THADA: variants seen among roughly 807,000 people sequenced by gnomAD.
THADA encodes the protein THADA armadillo repeat containing.
In THADA, 213 loss-of-function variants were observed where a neutral mutation model predicts 219.8. That is an observed-to-expected ratio of 0.97 (90% CI 0.87 to 1.09). The LOEUF (loss-of-function observed/expected upper bound fraction) is 1.09. Ranked by LOEUF, THADA falls within the 50% of genes least tolerant of loss-of-function variation. THADA has a pLI of 0.00. For missense variants in THADA, 2,956 were observed against 2,311.3 expected (o/e 1.28, Z -5.72); for synonymous variants, 1,018 against 828.9 (o/e 1.23, Z -3.92).
chr2:43,543,318 A>G (rs1378691012), intron 20 of THADA, among the ~76,000 whole-genome samples: 4 of 145,192 alleles, frequency 2.8e-5, no homozygotes, highest in African/African-American at 1.0e-4. Context: ...TATTGTGAAT[A>G]GTGCCGCAAT....
intron 22 of THADA, among the ~76,000 whole-genome samples, chr2:43,514,615 A>G (rs1415236952): frequency 1.9e-5 from 2 of 104,604 alleles, no homozygotes; most frequent in Non-Finnish European, 3.5e-5. Context: ...TATATTTTAT[A>G]TATTTTATAT....
At chr2:43,257,351 C>T (rs1670441723) in intron 36 of THADA, among the ~76,000 whole-genome samples, 2 of 152,334 alleles carry the variant, frequency 1.3e-5, no homozygotes, top group Non-Finnish European at 1.5e-5. Flanking sequence ...AAACCCTGCG[C>T]CTCCCTATGA....
intron 20 of THADA, among the ~76,000 whole-genome samples, chr2:43,547,965 T>C (rs1696253584): frequency 6.6e-6 from 1 of 152,238 alleles, no homozygotes; most frequent in East Asian, 1.9e-4. Flanking sequence ...TTCCAGTTTT[T>C]CTGCTCTGTT....
At chr2:43,241,672 T>C (rs1015077684) in intron 36 of THADA, among the ~76,000 whole-genome samples, 3 of 151,890 alleles carry the variant, frequency 2.0e-5, no homozygotes, top group African/African-American at 7.3e-5. Context: ...CTGTGGTGTC[T>C]CTAGGCCTGC....
intron 34 of THADA, among the ~76,000 whole-genome samples, chr2:43,287,657 G>C (rs1260392078): frequency 6.6e-6 from 1 of 152,156 alleles, no homozygotes; most frequent in Non-Finnish European, 1.5e-5. Flanking sequence ...ATTTGGTCTG[G>C]TAAAGACCAA....
intron 31 of THADA, among the ~76,000 whole-genome samples, chr2:43,317,988 T>C (rs1054761314): frequency 6.6e-6 from 1 of 152,208 alleles, no homozygotes; most frequent in Non-Finnish European, 1.5e-5. Flanking sequence ...TATATTTCAA[T>C]GACAGTTTTA....
chr2:43,463,770 G>C (rs1410060079), intron 26 of THADA, among the ~76,000 whole-genome samples: 1 of 152,080 alleles, frequency 6.6e-6, no homozygotes, highest in Non-Finnish European at 1.5e-5. Flanking sequence ...ATTACTAAAA[G>C]TAAAGAAATT....
rs548807030 is a variant in THADA, at chr2:43,545,624, T to G, written c.3106+3586A>C. Among the ~76,000 whole-genome samples, 842 of 152,340 alleles carry G rather than the reference T, an allele frequency of 5.5e-3. 7 individuals carry two copies. The highest frequency in any genetic ancestry group is 0.02 in the African/African-American group (814 of 41,564). ...TGGGAGGGTGTATGTGTCGAGGAAT[T>G]TATCCATTTCTTCTAGATTTTCTAG... On this transcript the variant is annotated intron_variant, in intron 20 of 37. Coordinates refer to ENST00000405975, the MANE Select transcript of THADA (RefSeq NM_022065.5).
chr2:43,301,583 T>A (rs970407986), intron 31 of THADA, among the ~76,000 whole-genome samples: 15 of 152,242 alleles, frequency 9.9e-5, no homozygotes, highest in African/African-American at 3.4e-4. Context: ...GAGGCAGGAA[T>A]GTCCAATACC....
At chr2:43,524,232 T>A (rs1455903207) in intron 22 of THADA, among the ~76,000 whole-genome samples, 1 of 152,258 alleles carries the variant, frequency 6.6e-6, no homozygotes, top group Non-Finnish European at 1.5e-5. Flanking sequence ...GTTATGTGTG[T>A]TGCAAGTGTT....
intron 26 of THADA, among the ~76,000 whole-genome samples, chr2:43,464,340 A>T (rs1372341378): frequency 1.3e-5 from 2 of 152,346 alleles, no homozygotes; most frequent in South Asian, 4.1e-4. Flanking sequence ...GTAACAAAAA[A>T]GAAGTAGAAG....
chr2:43,586,071 C>T (rs900782323), intron 7 of THADA, among the ~76,000 whole-genome samples: 4 of 151,992 alleles, frequency 2.6e-5, no homozygotes, highest in African/African-American at 9.7e-5. Flanking sequence ...TTAAGACCAG[C>T]CTGGGCAACA....
intron 30 of THADA, 86 bp from the exon 31 acceptor site, chr2:43,320,626 T>C (rs955342342): frequency 4.7e-5 from 41 of 871,538 alleles, no homozygotes; most frequent in Non-Finnish European, 6.8e-5. Flanking sequence ...GTATTTTCTA[T>C]GGTATATGAT....
intron 26 of THADA, among the ~76,000 whole-genome samples, chr2:43,468,232 A>C (rs1014176279): frequency 1.3e-5 from 2 of 152,222 alleles, no homozygotes; most frequent in African/African-American, 4.8e-5. Flanking sequence ...TTAGGGAGTA[A>C]CGCTGTTGTT....
rs1438832390 is a variant in THADA at position 43,485,286 on chromosome 2, T to C, written c.3784A>G (p.Thr1262Ala). 30 of 1,613,110 alleles carry C rather than the reference T, an allele frequency of 1.9e-5. No homozygotes were observed. Among genetic ancestry groups the C allele is most frequent in the Non-Finnish European group, 2.4e-5 (28 of 1,179,478 alleles). The change falls in exon 26 of 38, where the codon ACA (threonine) becomes GCA (alanine). Residue 1262 changes from threonine (T) to alanine (A), a missense_variant. Transcript: ENST00000405975. ...GCCCTTTTAACTCCAAAAATTCTTG[T>C]GATCAAGGCACTAAAGAGAAGTGTG... ...SSTLLFSALITRIFGVKRAKD... is the reference protein window; with the variant it reads ...SSTLLFSALIARIFGVKRAKD...
intron 29 of THADA, among the ~76,000 whole-genome samples, chr2:43,383,845 G>A (rs550519441): frequency 1.8e-4 from 28 of 152,138 alleles, no homozygotes; most frequent in Non-Finnish European, 2.9e-4. Flanking sequence ...AGTGAAAAAC[G>A]TTGTCAATTC....
intron 25 of THADA, among the ~76,000 whole-genome samples, chr2:43,488,717 C>G (rs1263653921): frequency 6.6e-6 from 1 of 152,154 alleles, no homozygotes; most frequent in African/African-American, 2.4e-5. Context: ...TGCTTGGTCA[C>G]AGAGTAACTC....
intron 14 of THADA, 118 bp downstream of exon 14, chr2:43,570,270 G>A (rs1304805790): frequency 9.3e-7 from 1 of 1,071,040 alleles, no homozygotes; most frequent in African/African-American, 1.6e-5. Flanking sequence ...TCAGCTTGAA[G>A]GAAAAAAACA....
intron 30 of THADA, among the ~76,000 whole-genome samples, chr2:43,341,945 A>T (rs1206052096): frequency 6.6e-6 from 1 of 152,194 alleles, no homozygotes; most frequent in African/African-American, 2.4e-5. Flanking sequence ...GCAGTGGCTC[A>T]CATGCCTGTA....
Sources: allele counts gnomAD v4.1 joint callset (sites outside exome capture counted in the v4.1 genomes callset), GRCh38; gene constraint gnomAD v4.1.1; transcripts MANE v1.5; gene names NCBI Gene and HGNC (gene_info 2026-07-23, HGNC 2026-07-21).